DIAPH2: variants seen among roughly 807,000 people sequenced by gnomAD.
DIAPH2 encodes diaphanous related formin 2, also known as protein diaphanous homolog 2.
In DIAPH2, 35 loss-of-function variants were observed where a neutral mutation model predicts 92.7. The observed-to-expected ratio is 0.38, with a 90% CI of 0.29 to 0.50. DIAPH2 has a LOEUF of 0.50. Among genes scored for constraint, DIAPH2 ranks in the 20% least tolerant of loss-of-function variants. The pLI is 0.94. For missense variants in DIAPH2, 701 were observed against 819.5 expected, an observed-to-expected ratio of 0.86 and a Z score of 1.77; for synonymous variants, 301 against 280.4, an observed-to-expected ratio of 1.07 and a Z score of -0.73.
rs1376922408 is a variant in DIAPH2 at position 97,513,832 on chromosome X, T to C, written c.3241+84087T>C. 2.1e-4 allele frequency among the ~76,000 whole-genome samples: 21 copies of C among 102,142 alleles called. 2 individuals are homozygous for C. The East Asian group carries it at 3.7e-3, about 18-fold the overall frequency. 88.7% of individuals were successfully genotyped at this position (102,142 alleles called of 115,157 possible). On this transcript the variant is annotated intron_variant, in intron 26 of 26. Coordinates refer to ENST00000324765, the MANE Select transcript of DIAPH2 (RefSeq NM_006729.5). ...TTCTTTTCTTTAAGAATGTTGAATATTGGCCCCCACTCTCTTCTGGCTTGT... is the reference window on the plus strand; with the variant it reads ...TTCTTTTCTTTAAGAATGTTGAATACTGGCCCCCACTCTCTTCTGGCTTGT...
chrX:97,461,972 GA>G (rs1463484303), intron 26 of DIAPH2, among the ~76,000 whole-genome samples: 1 of 111,373 alleles, frequency 9.0e-6, no homozygotes, highest in South Asian at 3.8e-4. Flanking sequence ...AGCTTTTTAA[GA>G]AAAAAGCTCC....
At chrX:97,169,774 G>A (rs1375355730) in intron 22 of DIAPH2, among the ~76,000 whole-genome samples, 2 of 111,061 alleles carry the variant, frequency 1.8e-5, no homozygotes, top group Non-Finnish European at 1.9e-5. Context: ...AGGTTGAAGT[G>A]GGAGGATCAC....
chrX:97,597,384 G>C (rs988465443), intron 26 of DIAPH2, among the ~76,000 whole-genome samples: 4 of 112,271 alleles, frequency 3.6e-5, no homozygotes, highest in African/African-American at 1.3e-4. Flanking sequence ...GCAGGTTGAT[G>C]TGAAGCCTTA....
intron 23 of DIAPH2, among the ~76,000 whole-genome samples, chrX:97,334,998 C>CAAAACAAAAAAA (rs1556029056): frequency 6.4e-5 from 2 of 31,451 alleles, no homozygotes; most frequent in African/African-American, 1.8e-4. Flanking sequence ...AAAAACAAAA[C>CAAAACAAAAAAA]AAAAAAAAAA....
chrX:96,880,256 A>G (rs992520321), intron 4 of DIAPH2, among the ~76,000 whole-genome samples: 2 of 111,760 alleles, frequency 1.8e-5, no homozygotes, highest in Non-Finnish European at 3.8e-5. Flanking sequence ...AGTGAGACAG[A>G]CACAAATAAT....
chrX:96,818,948 A>G (rs7887880), intron 4 of DIAPH2, among the ~76,000 whole-genome samples: 10 of 112,690 alleles, frequency 8.9e-5, no homozygotes, highest in South Asian at 7.3e-4. Flanking sequence ...ATCATCAGGC[A>G]TTAGTTAGAT....
At chrX:97,336,083 T>C (rs1264695257) in intron 23 of DIAPH2, among the ~76,000 whole-genome samples, 6 of 110,215 alleles carry the variant, frequency 5.4e-5, no homozygotes, top group African/African-American at 2.0e-4. Context: ...ACAATACTCC[T>C]TGTGGCTCTT....
At chrX:96,756,862 A>G (rs1451230218) in intron 3 of DIAPH2, among the ~76,000 whole-genome samples, 2 of 104,789 alleles carry the variant, frequency 1.9e-5, no homozygotes, top group Non-Finnish European at 3.9e-5. Context: ...TTCCCCACAG[A>G]TTAATGATGT....
intron 25 of DIAPH2, among the ~76,000 whole-genome samples, chrX:97,405,590 T>A (rs1013659647): frequency 8.9e-6 from 1 of 111,844 alleles, no homozygotes; most frequent in African/African-American, 3.2e-5. Flanking sequence ...AGAAAAATAT[T>A]TTTAAATGCA....
chrX:96,834,746 A>C (rs960010124), intron 4 of DIAPH2, among the ~76,000 whole-genome samples: 1 of 111,986 alleles, frequency 8.9e-6, no homozygotes, highest in African/African-American at 3.2e-5. Context: ...TTATGAGAAA[A>C]AAAATGTTAG....
At chrX:97,271,083 CT>C (rs1408530626) in intron 23 of DIAPH2, among the ~76,000 whole-genome samples, 1 of 110,711 alleles carries the variant, frequency 9.0e-6, no homozygotes, top group African/African-American at 3.3e-5. Flanking sequence ...GAATTATTGC[CT>C]GCACTTATTT....
intron 4 of DIAPH2, among the ~76,000 whole-genome samples, chrX:96,837,425 CTCTCTCTCTGTGTGTGTG>C (rs1346847340): frequency 2.9e-4 from 24 of 81,552 alleles, no homozygotes; most frequent in African/African-American, 1.1e-3. Flanking sequence ...CTCTCTCTCT[CTCTCTCTCTGTGTGTGTG>C]TGTGTGTGTG....
intron 20 of DIAPH2, among the ~76,000 whole-genome samples, chrX:97,112,075 A>G (rs1042642136): frequency 9.8e-5 from 11 of 112,302 alleles, no homozygotes; most frequent in Non-Finnish European, 1.3e-4. Flanking sequence ...TTTTATAAAA[A>G]TATCAAATCC....
At chrX:97,469,225 C>CA (rs1394257091) in intron 26 of DIAPH2, among the ~76,000 whole-genome samples, 1 of 111,697 alleles carries the variant, frequency 9.0e-6, no homozygotes, top group East Asian at 2.8e-4. Context: ...TCCTAGCTGA[C>CA]ACCTGGAAGA....
At chrX:96,942,179 C>T (rs1455598541) in intron 13 of DIAPH2, 43 bp downstream of exon 13, 1 of 779,968 alleles carries the variant, frequency 1.3e-6, no homozygotes, top group Non-Finnish European at 2.0e-6. Flanking sequence ...GTGTTTTGTG[C>T]CTTCTGTATT....
intron 5 of DIAPH2, among the ~76,000 whole-genome samples, chrX:96,901,539 T>G (rs867733930): frequency 1.6e-5 from 1 of 61,074 alleles, no homozygotes; most frequent in Admixed American, 2.1e-4. Context: ...TCTGTTTTTT[T>G]TTTTTTTTTT....
intron 23 of DIAPH2, among the ~76,000 whole-genome samples, chrX:97,347,622 C>T (rs2069170559): frequency 9.0e-6 from 1 of 111,084 alleles, no homozygotes; most frequent in African/African-American, 3.3e-5. Context: ...TAAAGATCTT[C>T]AAGTCTCACT....
At chrX:97,570,093 T>G (rs1569426106) in intron 26 of DIAPH2, among the ~76,000 whole-genome samples, 19 of 29,367 alleles carry the variant, frequency 6.5e-4, no homozygotes, top group Admixed American at 1.1e-3. Flanking sequence ...TATATATATA[T>G]ATATATATAT....
chrX:97,083,530 A>G (rs957401289), intron 19 of DIAPH2, among the ~76,000 whole-genome samples: 1 of 110,849 alleles, frequency 9.0e-6, no homozygotes, highest in East Asian at 2.8e-4. Flanking sequence ...ATTTTTGACT[A>G]CTGTCCTGTA....
Sources: allele counts gnomAD v4.1 joint callset (sites outside exome capture counted in the v4.1 genomes callset), GRCh38; gene constraint gnomAD v4.1.1; transcripts MANE v1.5; gene names NCBI Gene and HGNC (gene_info 2026-07-23, HGNC 2026-07-21).